FNDC7: variants seen among roughly 807,000 people sequenced by gnomAD.
FNDC7 encodes fibronectin type III domain-containing protein 7.
In FNDC7, 66 loss-of-function variants were observed where a neutral mutation model predicts 74.2. The ratio of observed to expected loss-of-function variants is 0.89; its 90% CI spans 0.73 to 1.09. FNDC7 has a LOEUF of 1.09. Among genes scored for constraint, FNDC7 ranks in the 50% least tolerant of loss-of-function variants. The pLI, the probability that FNDC7 is intolerant of heterozygous loss-of-function variation, is 0.00. For missense variants in FNDC7, 829 were observed against 893.4 expected, an observed-to-expected ratio of 0.93 and a Z score of 0.92; for synonymous variants, 307 against 330.2, an observed-to-expected ratio of 0.93 and a Z score of 0.76.
chr1:108,715,865 A>C (rs1436462309), intron 2 of FNDC7, among the ~76,000 whole-genome samples: 1 of 152,218 alleles, frequency 6.6e-6, no homozygotes, highest in Non-Finnish European at 1.5e-5. Flanking sequence ...TCACACACAA[A>C]AGTAAATAGC....
rs1336631272 is a variant in FNDC7, at chr1:108,742,132, C to A, written c.*245C>A. On this transcript the variant is annotated 3_prime_UTR_variant, in exon 13 of 13. Transcript: ENST00000370017. ...CTGGAGAGAAATGAATCCAGAAAGT[C>A]CCCTGGACGGCTGCTAGCCTGAGTT... The A allele has an allele frequency of 1.4e-5, 5 of 345,932 alleles. No homozygotes were observed. Among genetic ancestry groups the A allele is most frequent in the Non-Finnish European group, 2.6e-5 (5 of 189,278 alleles). The allele number at this position is 345,932 out of a possible 1,614,324, so 21.4% of individuals were successfully genotyped here. A position where few individuals can be genotyped will look rare whatever the true frequency, so the allele number is the denominator to read the frequency against.
chr1:108,714,455 T>C (rs1159215286), intron 2 of FNDC7, among the ~76,000 whole-genome samples: 1 of 152,152 alleles, frequency 6.6e-6, no homozygotes, highest in Non-Finnish European at 1.5e-5. Context: ...ATGGGAGGAT[T>C]GCTTGAGCCC....
Position 108,725,808 on chromosome 1 carries a change from G to A in FNDC7, c.915G>A (p.Val305=). Residue 305 remains valine, a synonymous_variant, in exon 6 of 13, where the codon GTG becomes GTA. Transcript: ENST00000370017. ...IQEDPPGHLS[V]AWSSVDLGDY... ...AAGATCCCCCTGGCCACCTGTCTGT[G>A]GCTTGGTCCAGTGTAGATCTGGGTG... 1 of 1,614,148 alleles carries A rather than the reference G, an allele frequency of 6.2e-7. No homozygotes were observed. Among genetic ancestry groups the A allele is most frequent in the African/African-American group, 1.3e-5 (1 of 75,022 alleles).
rs1302136904 is a variant in FNDC7, at chr1:108,733,512, G to T, written c.2120G>T (p.Cys707Phe). ...VAKTGLKLTF[C>F]PKKIYSVTCS... ...AAAACAGGATTGAAGCTTACTTTCT[G>T]TCCAAAAAAAATATATTCAGGTAAA... Residue 707 changes from cysteine (C) to phenylalanine (F), a missense_variant, in exon 10 of 13, where the codon TGT becomes TTT. Physicochemically the swap from Cys to Phe is radical, Grantham distance 205 (BLOSUM62 -2). Transcript: ENST00000370017. 3 of 1,611,818 alleles carry T rather than the reference G, an allele frequency of 1.9e-6. No individual in the cohort carries two copies. Among genetic ancestry groups the T allele is most frequent in the Non-Finnish European group, 2.5e-6 (3 of 1,178,404 alleles).
intron 8 of FNDC7, 131 bp from the exon 9 acceptor site, chr1:108,730,543 A>T: frequency 9.5e-7 from 1 of 1,047,250 alleles, no homozygotes; most frequent in Non-Finnish European, 1.3e-6. Context: ...GAAATTTTTT[A>T]TTAACAATGG....
rs570232999 is a variant in FNDC7 at position 108,723,702 on chromosome 1, C to T, written c.856+1110C>T. On this transcript the variant is annotated intron_variant, in intron 5 of 12. Transcript: ENST00000370017. ...TCAAAAGCATAGCAGTTCTGAGTTA[C>T]GCAGTTAGGCATTTAATGCAGGGGA... Among the ~76,000 whole-genome samples the T allele has an allele frequency of 7.2e-5, 11 of 152,286 alleles. No individual in the cohort carries two copies. The South Asian group carries it at 1.9e-3, about 26-fold the overall frequency.
At chr1:108,715,977 T>G (rs1660964916) in intron 2 of FNDC7, among the ~76,000 whole-genome samples, 1 of 152,150 alleles carries the variant, frequency 6.6e-6, no homozygotes, top group South Asian at 2.1e-4. Context: ...TCCTGCATTA[T>G]GACTTCCAAG....
intron 9 of FNDC7, among the ~76,000 whole-genome samples, chr1:108,732,461 C>A (rs1661410044): frequency 6.6e-6 from 1 of 152,070 alleles, no homozygotes; most frequent in Non-Finnish European, 1.5e-5. Flanking sequence ...CTCATCTCGG[C>A]AAAATTGGTT....
Position 108,729,032 on chromosome 1 carries a change from CA to C in FNDC7, c.1624+148del, listed in dbSNP as rs540468912. The C allele has an allele frequency of 7.7e-4, 797 of 1,031,918 alleles. 3 individuals are homozygous for C. Among genetic ancestry groups the C allele is most frequent in the Non-Finnish European group, 9.7e-4 (705 of 729,618 alleles). 63.9% of individuals were successfully genotyped at this position (1,031,918 alleles called of 1,614,324 possible). On this transcript the variant is annotated intron_variant, in intron 8 of 12. Coordinates refer to ENST00000370017, the MANE Select transcript of FNDC7 (RefSeq NM_001144937.3). ...CGTTTCAAAGAGTCCCGGTCATAGA[CA>C]ATAAAATTTTCAATATTTTACAAGT...
At chr1:108,718,662 T>C (rs1661028389) in intron 3 of FNDC7, 127 bp from the exon 4 acceptor site, 1 of 996,114 alleles carries the variant, frequency 1.0e-6, no homozygotes, top group African/African-American at 1.6e-5. Context: ...AATGAAACTT[T>C]GTTGTGAATG....
intron 11 of FNDC7, among the ~76,000 whole-genome samples, chr1:108,738,892 A>C (rs1305235291): frequency 6.6e-6 from 1 of 152,200 alleles, no homozygotes; most frequent in Non-Finnish European, 1.5e-5. Flanking sequence ...ACAAACTGTG[A>C]GGACACTTCT....
chr1:108,719,137 A>G, intron 4 of FNDC7, 88 bp downstream of exon 4: 16 of 1,446,474 alleles, frequency 1.1e-5, no homozygotes, highest in Non-Finnish European at 1.3e-5. Context: ...GCAGTGTTAC[A>G]TGACAAGTAC....
Position 108,730,797 on chromosome 1 carries a change from C to CT in FNDC7, c.1749dup (p.Lys584Ter). 1 of 1,614,156 alleles carries CT rather than the reference C, an allele frequency of 6.2e-7. No individual in the cohort carries two copies. The highest frequency in any genetic ancestry group is 8.5e-7 in the Non-Finnish European group (1 of 1,180,028). On this transcript the variant is annotated frameshift_variant, in exon 9 of 13. Transcript: ENST00000370017. LOFTEE classifies it high-confidence loss of function. ...GTTCTGGAGTCACACACTGGACAGTCTAAGTGTCACACTCATCAAAACCAC... is the reference window on the plus strand; with the variant it reads ...GTTCTGGAGTCACACACTGGACAGTCTTAAGTGTCACACTCATCAAAACCAC...
intron 4 of FNDC7, among the ~76,000 whole-genome samples, chr1:108,721,387 T>C (rs1661088899): frequency 6.6e-6 from 1 of 152,138 alleles, no homozygotes; most frequent in Admixed American, 6.5e-5. Context: ...GAGAATGGCA[T>C]GAACCCCGGA....
chr1:108,722,309 A>G (rs758719198), intron 4 of FNDC7, 26 bp from the exon 5 acceptor site: 1 of 1,545,912 alleles, frequency 6.5e-7, no homozygotes, highest in Non-Finnish European at 8.7e-7. Context: ...CTACTACAAA[A>G]TCTTAATTGT....
In FNDC7 at chr1:108,737,510, G is replaced by A; in HGVS notation, c.2156G>A (p.Ser719Asn). The change falls in exon 11 of 13, where the codon AGT becomes AAT. Residue 719 changes from serine to asparagine, a missense_variant. By Grantham distance (46) the Ser-to-Asn change is conservative. Transcript: ENST00000370017. ...KKIYSVTCSG[S>N]TLGMVIYRGK... ...TTTATTACAGTAACTTGCTCTGGAA[G>A]TACACTTGGAATGGGTAAGTCATTT... 1.9e-6 allele frequency: 3 copies of A among 1,591,938 alleles called. No homozygotes were observed. Among genetic ancestry groups the A allele is most frequent in the East Asian group, 2.3e-5 (1 of 44,098 alleles).
chr1:108,728,993 A>G, intron 8 of FNDC7, 107 bp downstream of exon 8: 3 of 1,376,090 alleles, frequency 2.2e-6, no homozygotes, highest in East Asian at 4.7e-5. Context: ...ACAGAAATAC[A>G]TTAAACTCAG....
chr1:108,718,934 A>G lies in FNDC7; in HGVS notation c.483A>G (p.Thr161=). 15 of 1,551,762 alleles carry G rather than the reference A, an allele frequency of 9.7e-6. No homozygotes were observed. The highest frequency in any genetic ancestry group is 1.3e-5 in the Non-Finnish European group (15 of 1,147,012). ...GGAGTATATGGAAAGAGAATACTAC[A>G]AACACCTCCTTGACATTCACCAGTT... ...GLGSIWKENT[T]NTSLTFTSLE... is the part of the protein sequence containing the mutation. Residue 161 remains threonine (T), a synonymous_variant, in exon 4 of 13, where the codon ACA becomes ACG. Transcript: ENST00000370017.
chr1:108,722,652 C>G, intron 5 of FNDC7, 60 bp downstream of exon 5: 1 of 1,495,286 alleles, frequency 6.7e-7, no homozygotes, highest in Non-Finnish European at 9.0e-7. Flanking sequence ...GTAAGGGAGA[C>G]GTTCACTGAC....
Sources: gnomAD v4.1 joint callset for allele counts (sites outside exome capture counted in the v4.1 genomes callset) on GRCh38, gnomAD v4.1.1 for gene constraint, MANE v1.5 for transcripts, NCBI Gene and HGNC (gene_info 2026-07-23, HGNC 2026-07-21) for gene names.